SCNN1A: variants seen among roughly 807,000 people sequenced by gnomAD.
SCNN1A encodes epithelial sodium channel subunit alpha.
Under a neutral mutation model 68.6 loss-of-function variants are expected in SCNN1A, and 65 were observed. That is an observed-to-expected ratio of 0.95 (90% CI 0.78 to 1.16). The LOEUF (loss-of-function observed/expected upper bound fraction) is 1.16, where lower values mean the gene tolerates loss of function less well. Among genes scored for constraint, SCNN1A ranks in the 50% most tolerant of loss-of-function variants. The pLI is 0.00. For synonymous variants in SCNN1A, 357 were observed against 353.3 expected, an observed-to-expected ratio of 1.01 and a Z score of -0.12; for missense variants, 880 against 865.9, an observed-to-expected ratio of 1.02 and a Z score of -0.20.
chr12:6,354,180 G>A lies in SCNN1A; in HGVS notation c.1360+258C>T, dbSNP rs998787518. On this transcript the variant is annotated intron_variant, in intron 8 of 12. Coordinates refer to ENST00000228916, the MANE Select transcript of SCNN1A (RefSeq NM_001038.6). The stretch of plus-strand genomic sequence containing the variant: ...CGGGAGGTGGAGCTTGCAGTGAGCC[G>A]AGATCGCGCCACTGCTCTCCAGCCT... 3.3e-5 allele frequency among the ~76,000 whole-genome samples: 5 copies of A among 151,866 alleles called. No homozygotes were observed. In the East Asian group the frequency reaches 6.0e-4, roughly 18 times the overall value.
rs372634287 is a variant in SCNN1A, at chr12:6,362,104, C to T, written c.822G>A (p.Thr274=). 1.7e-5 allele frequency: 28 copies of T among 1,614,122 alleles called. No individual in the cohort carries two copies. The African/African-American group carries it at 2.0e-4, about 12-fold the overall frequency. ...PETLPSLEED[T]LGNFIFACRF... ...GGCAGGCGAAGATGAAGTTGCCCAG[C>T]GTGTCCTCCTCCAGGGATGGCAGAG... is the stretch of plus-strand genomic sequence containing the variant. The change falls in exon 4 of 13, where the codon ACG becomes ACA. Residue 274 remains threonine, a synonymous_variant. Coordinates refer to ENST00000228916, the MANE Select transcript of SCNN1A (RefSeq NM_001038.6).
intron 3 of SCNN1A, among the ~76,000 whole-genome samples, 165 bp downstream of exon 3, chr12:6,363,278 T>A (rs1315712168): frequency 6.6e-6 from 1 of 152,008 alleles, no homozygotes; most frequent in African/African-American, 2.4e-5. Flanking sequence ...ATTATCTAGT[T>A]ATTATTTGTA....
chr12:6,349,238 G>A lies in SCNN1A; in HGVS notation c.1440-17C>T, dbSNP rs1332830679. ...CTGGTCACGCTGGGGATGGAGAAAG[G>A]TGCTCAGTGTTGGGGCAGAGCTCTC... is the stretch of plus-strand genomic sequence containing the variant. On this transcript the variant is annotated splice_polypyrimidine_tract_variant and intron_variant, in intron 9 of 12. Coordinates refer to ENST00000228916, the MANE Select transcript of SCNN1A (RefSeq NM_001038.6). 2 of 1,614,130 alleles carry A rather than the reference G, an allele frequency of 1.2e-6. No homozygotes were observed. Among genetic ancestry groups the A allele is most frequent in the Non-Finnish European group, 8.5e-7 (1 of 1,179,992 alleles).
intron 8 of SCNN1A, chr12:6,353,866 G>C (rs1427935507): frequency 1.3e-5 from 2 of 150,954 alleles, no homozygotes; most frequent in African/African-American, 2.5e-5. Context: ...TGGGATTACA[G>C]GCGTGAGCCA....
chr12:6,369,545 C>T (rs1032407351), intron 2 of SCNN1A, among the ~76,000 whole-genome samples: 5 of 152,106 alleles, frequency 3.3e-5, no homozygotes, highest in African/African-American at 9.7e-5. Flanking sequence ...TAAGATAAGA[C>T]GGAATGGCCG....
At position 6,374,369 on chromosome 12, in the gene SCNN1A, T is replaced by C. The variant is rs1948855779; in HGVS notation, c.415A>G (p.Arg139Gly). The C allele has an allele frequency of 6.2e-7, 1 of 1,614,070 alleles. No homozygotes were observed. Among genetic ancestry groups the C allele is most frequent in the Non-Finnish European group, 8.5e-7 (1 of 1,179,970 alleles). The change falls in exon 2 of 13, where the codon AGG (arginine) becomes GGG (glycine). Residue 139 changes from arginine (R) to glycine (G), a missense_variant and splice_region_variant. Around this residue, in one of 3 missense-constraint regions of SCNN1A, gnomAD observed 758 missense variants for 721.8 expected, o/e 1.05. Transcript: ENST00000228916. The surrounding 1 kb of genome is among the most constrained non-coding windows in gnomAD (Gnocchi z 6.2). ...AVTICTLNPYRYPEIKEELEE... is the reference protein window; with the variant it reads ...AVTICTLNPYGYPEIKEELEE... Reference sequence around the variant, plus strand: ...GAAGGGGCAGAGGGACTAACCGACCTGTAGGGATTGAGGGTGCAGATGGTC... The same window carrying C: ...GAAGGGGCAGAGGGACTAACCGACCCGTAGGGATTGAGGGTGCAGATGGTC...
Position 6,351,663 on chromosome 12 carries a change from A to T in SCNN1A, c.1361-2258T>A, listed in dbSNP as rs1025247243. On this transcript the variant is annotated intron_variant, in intron 8 of 12. Coordinates refer to ENST00000228916, the MANE Select transcript of SCNN1A (RefSeq NM_001038.6). This position sits in a 1 kb window ranked among gnomAD's most constrained non-coding sequence, Gnocchi z 4.2. The stretch of plus-strand genomic sequence containing the variant: ...AAAAAAAAAAGATTCAGAATAGGCA[A>T]ATCCATAGAGAGAGAAAGAAAGAAT... Among the ~76,000 whole-genome samples, 11 of 152,042 alleles carry T rather than the reference A, an allele frequency of 7.2e-5. No homozygotes were observed. Among genetic ancestry groups the T allele is most frequent in the African/African-American group, 2.4e-4 (10 of 41,414 alleles).
intron 12 of SCNN1A, 53 bp downstream of exon 12, chr12:6,348,674 C>G (rs1948310783): frequency 1.3e-6 from 2 of 1,482,362 alleles, no homozygotes; most frequent in African/African-American, 2.8e-5. Context: ...CGACAGCCGC[C>G]CTGCTAAGTA....
chr12:6,375,547 C>G lies in SCNN1A; in HGVS notation c.-97G>C, dbSNP rs776185619. Reference sequence around the variant, plus strand: ...CTGGCTGGGGAGCCCGCCCGCTGGCCGGCCAGGGATGGAAGCGACAGGAAT... The same window carrying G: ...CTGGCTGGGGAGCCCGCCCGCTGGCGGGCCAGGGATGGAAGCGACAGGAAT... On this transcript the variant is annotated 5_prime_UTR_variant, in exon 1 of 13. Coordinates refer to ENST00000228916, the MANE Select transcript of SCNN1A (RefSeq NM_001038.6). 15 of 1,534,824 alleles carry G rather than the reference C, an allele frequency of 9.8e-6. No individual in the cohort carries two copies. The highest frequency in any genetic ancestry group is 1.4e-5 in the African/African-American group (1 of 72,880).
At position 6,374,245 on chromosome 12, in the gene SCNN1A, TG is replaced by T; in HGVS notation, c.416+122del. On this transcript the variant is annotated intron_variant, in intron 2 of 12. Transcript: ENST00000228916. This position sits in a 1 kb window ranked among gnomAD's most constrained non-coding sequence, Gnocchi z 6.2. ...CATTTTGCCAGCAGTGAGCTCTACC[TG>T]GGACAGGGGTGTCAGTTCCCACCCT... 9.1e-7 allele frequency: 1 copy of T among 1,104,604 alleles called. No individual in the cohort carries two copies. Among genetic ancestry groups the T allele is most frequent in the Non-Finnish European group, 1.3e-6 (1 of 764,960 alleles). 68.4% of individuals were successfully genotyped at this position (1,104,604 alleles called of 1,614,324 possible). A position where few individuals can be genotyped will look rare whatever the true frequency, so the allele number is the denominator to read the frequency against.
chr12:6,368,399 C>A (rs1375864690), intron 2 of SCNN1A, among the ~76,000 whole-genome samples: 2 of 152,122 alleles, frequency 1.3e-5, no homozygotes, highest in Admixed American at 6.6e-5. Flanking sequence ...CTTTCATTGG[C>A]CAAAACTCTG....
At chr12:6,359,571 C>T (rs1436558496) in intron 4 of SCNN1A, among the ~76,000 whole-genome samples, 1 of 152,054 alleles carries the variant, frequency 6.6e-6, no homozygotes, top group Non-Finnish European at 1.5e-5. Flanking sequence ...AATTAGTTCA[C>T]CCGATAGCTG....
At position 6,347,832 on chromosome 12, in the gene SCNN1A, G is replaced by C; in HGVS notation, c.*41C>G. 6.5e-7 allele frequency: 1 copy of C among 1,550,190 alleles called. No individual in the cohort carries two copies. The highest frequency in any genetic ancestry group is 8.8e-7 in the Non-Finnish European group (1 of 1,131,286). ...TGCCAGGGCCAGCACCCTCCCACCA[G>C]AGGAGCATCTGCCTTGGTGTGAGAA... On this transcript the variant is annotated 3_prime_UTR_variant, in exon 13 of 13. Transcript: ENST00000228916.
intron 4 of SCNN1A, among the ~76,000 whole-genome samples, chr12:6,359,336 C>T (rs1948546806): frequency 6.6e-6 from 1 of 151,220 alleles, no homozygotes; most frequent in African/African-American, 2.4e-5. Flanking sequence ...GGTGAGAAAG[C>T]CATGCTAAGG....
At chr12:6,367,072 T>C (rs992817527) in intron 2 of SCNN1A, among the ~76,000 whole-genome samples, 1 of 151,988 alleles carries the variant, frequency 6.6e-6, no homozygotes, top group Non-Finnish European at 1.5e-5. Flanking sequence ...ACCTTGTATC[T>C]ACAAAAAATA....
At chr12:6,362,006 A>C (rs770918838) in intron 4 of SCNN1A, 45 bp downstream of exon 4, 10 of 1,601,296 alleles carry the variant, frequency 6.2e-6, no homozygotes, top group South Asian at 2.2e-5. Context: ...TGACCCAGGG[A>C]AGCGGACCCC....
chr12:6,376,160 G>T, upstream of SCNN1A: 1 of 985,702 alleles, frequency 1.0e-6, no homozygotes, highest in Middle Eastern at 5.2e-4. Context: ...GTCTCTGCAG[G>T]TCTCCTCCCC....
chr12:6,353,415 A>G (rs1272893148), intron 8 of SCNN1A, among the ~76,000 whole-genome samples: 1 of 151,662 alleles, frequency 6.6e-6, no homozygotes, highest in Non-Finnish European at 1.5e-5. Context: ...TGTGTACCCC[A>G]CCCAGCCCCT....
In SCNN1A at chr12:6,363,500, G is replaced by T. The variant is rs748189603; in HGVS notation, c.627C>A (p.Ser209Arg). 1.2e-6 allele frequency: 2 copies of T among 1,608,704 alleles called. No individual in the cohort carries two copies. Among genetic ancestry groups the T allele is most frequent in the Non-Finnish European group, 1.7e-6 (2 of 1,177,562 alleles). ...CCACCTGGGGGTTGTTGTCCCGCAA[G>T]CTGGAGGCCACGCTACGGGCTCGAC... ...GARRARSVASSLRDNNPQVDW... is the reference protein window; with the variant it reads ...GARRARSVASRLRDNNPQVDW... The change falls in exon 3 of 13, where the codon AGC (serine) becomes AGA (arginine). Residue 209 changes from serine to arginine, a missense_variant. By Grantham distance (110) the Ser-to-Arg change is moderately radical. Around this residue, in one of 3 missense-constraint regions of SCNN1A, gnomAD observed 758 missense variants for 721.8 expected, o/e 1.05. Coordinates refer to ENST00000228916, the MANE Select transcript of SCNN1A (RefSeq NM_001038.6).
Sources: allele counts gnomAD v4.1 joint callset (sites outside exome capture counted in the v4.1 genomes callset), GRCh38; gene constraint gnomAD v4.1.1; regional missense constraint gnomAD v4.1.1; non-coding constraint Gnocchi (gnomAD v3.1); transcripts MANE v1.5; gene names NCBI Gene and HGNC (gene_info 2026-07-23, HGNC 2026-07-21).